CYB561A3: variants seen among roughly 807,000 people sequenced by gnomAD.
CYB561A3 encodes the protein cytochrome b561 family member A3.
CYB561A3 carries 16 observed loss-of-function variants against 25.3 expected under a neutral mutation model. The observed-to-expected ratio is 0.63, with a 90% CI of 0.43 to 0.96. The LOEUF (loss-of-function observed/expected upper bound fraction) is 0.96, where lower values mean the gene tolerates loss of function less well. Among genes scored for constraint, CYB561A3 ranks in the 40% least tolerant of loss-of-function variants. The pLI is 0.00. For synonymous variants in CYB561A3, 131 were observed against 129.9 expected, an observed-to-expected ratio of 1.01 and a Z score of -0.06; for missense variants, 219 against 307.5, an observed-to-expected ratio of 0.71 and a Z score of 2.15.
At chr11:61,357,549 C>T (rs1857693435) in intron 2 of CYB561A3, among the ~76,000 whole-genome samples, 184 bp downstream of exon 2, 1 of 152,184 alleles carries the variant, frequency 6.6e-6, no homozygotes, top group African/African-American at 2.4e-5. Flanking sequence ...GTGGGCAAAG[C>T]CACAGGACTG....
intron 2 of CYB561A3, 135 bp from the exon 3 acceptor site, chr11:61,356,863 G>T: frequency 6.8e-7 from 1 of 1,460,084 alleles, no homozygotes; most frequent in Admixed American, 2.6e-5. Flanking sequence ...ATCAGCCTGG[G>T]CACCACCCCC....
At chr11:61,353,531 T>C (rs114589636) in intron 4 of CYB561A3, 1 of 684,734 alleles carries the variant, frequency 1.5e-6, no homozygotes, top group South Asian at 1.5e-5. Context: ...GTCAGCATAG[T>C]GCGTGCCATG....
chr11:61,352,839 A>T, intron 5 of CYB561A3, 146 bp downstream of exon 5: 2 of 1,482,724 alleles, frequency 1.3e-6, no homozygotes, highest in Non-Finnish European at 1.8e-6. Context: ...CTAAAGAAAG[A>T]TCAATTCTGT....
rs1021321474 is a variant in CYB561A3, at chr11:61,357,084, C to T, written c.-15-356G>A. 6.9e-6 allele frequency: 10 copies of T among 1,440,128 alleles called. No individual in the cohort carries two copies. The Admixed American group carries it at 1.6e-4, about 23-fold the overall frequency. The allele number at this position is 1,440,128 out of a possible 1,614,324, so 89.2% of individuals were successfully genotyped here. On this transcript the variant is annotated intron_variant, in intron 2 of 6. Transcript: ENST00000294072. ...GTAAAGAATTACCACCCCATACCCC[C>T]CAGGAAAAAAGGGACAGGAATCAAA... is the stretch of plus-strand genomic sequence containing the variant.
intron 1 of CYB561A3, chr11:61,359,759 G>A: frequency 6.6e-6 from 1 of 152,422 alleles, no homozygotes. Context: ...AGTGATTCAT[G>A]CCTGTAATCC....
At chr11:61,357,078 T>A in intron 2 of CYB561A3, 1 of 1,411,692 alleles carries the variant, frequency 7.1e-7, no homozygotes, top group East Asian at 2.5e-5. Context: ...TACCACCCCA[T>A]ACCCCCCAGG....
At chr11:61,357,246 G>C in intron 2 of CYB561A3, 2 of 1,550,406 alleles carry the variant, frequency 1.3e-6, no homozygotes, top group Non-Finnish European at 8.7e-7. Flanking sequence ...CATAGAGTAA[G>C]CTCTATGGGG....
chr11:61,352,592 T>G (rs1590601530), intron 5 of CYB561A3: 1 of 211,352 alleles, frequency 4.7e-6, no homozygotes, highest in South Asian at 6.6e-5. Flanking sequence ...ACCCAGCAGG[T>G]GGAGGTTGCA....
intron 3 of CYB561A3, 36 bp downstream of exon 3, chr11:61,356,494 G>A: frequency 1.2e-6 from 2 of 1,604,738 alleles, no homozygotes; most frequent in Non-Finnish European, 1.7e-6. Flanking sequence ...TCCAGCCTGA[G>A]CCCTATCCCG....
At chr11:61,350,512 G>A (rs968950332) in intron 6 of CYB561A3, 90 bp from the exon 7 acceptor site, 1 of 1,527,680 alleles carries the variant, frequency 6.5e-7, no homozygotes, top group Non-Finnish European at 8.9e-7. Context: ...CCAGCCTGCA[G>A]GGTGGTCCCC....
At position 61,353,844 on chromosome 11, in the gene CYB561A3, G is replaced by A. The variant is rs1266902811; in HGVS notation, c.333C>T (p.Ala111=). 3.7e-6 allele frequency: 6 copies of A among 1,614,192 alleles called. No homozygotes were observed. The highest frequency in any genetic ancestry group is 1.3e-5 in the African/African-American group (1 of 75,040). Residue 111 remains alanine, a synonymous_variant, in exon 4 of 7, where the codon GCC becomes GCT. Transcript: ENST00000294072. ...VFTFHNHGRT[A]NLYSLHSWLG... ...GCCAGCTGTGAAGGGAGTAGAGGTTGGCAGTCCTTCCATGGTTGTGAAACG... is the reference window on the plus strand; with the variant it reads ...GCCAGCTGTGAAGGGAGTAGAGGTTAGCAGTCCTTCCATGGTTGTGAAACG...
intron 1 of CYB561A3, chr11:61,358,552 C>G (rs1164648629): frequency 1.3e-5 from 2 of 151,724 alleles, no homozygotes; most frequent in African/African-American, 4.8e-5. Context: ...AACCCCCGCC[C>G]CCATCTCTAC....
rs955536857 is a variant in CYB561A3, at chr11:61,349,823, A to G, written c.*576T>C. The G allele has an allele frequency of 4.3e-5, 26 of 600,916 alleles. No individual in the cohort carries two copies. The highest frequency in any genetic ancestry group is 7.0e-5 in the Non-Finnish European group (23 of 330,494). The allele number at this position is 600,916 out of a possible 1,614,324, so 37.2% of individuals were successfully genotyped here. The stretch of plus-strand genomic sequence containing the variant: ...ACATCCAGATGGGGCTGGATGGCAG[A>G]GCAGATGAAGCCTGCTCTGTGGCGG... On this transcript the variant is annotated 3_prime_UTR_variant, in exon 7 of 7. Transcript: ENST00000294072.
chr11:61,358,374 T>C (rs1857719417), intron 1 of CYB561A3: 1 of 142,944 alleles, frequency 7.0e-6, no homozygotes, highest in African/African-American at 2.7e-5. Flanking sequence ...GAGCCAAGAT[T>C]GTGCCATTGC....
intron 5 of CYB561A3, chr11:61,351,963 GGC>G (rs1284179635): frequency 2.0e-5 from 3 of 151,962 alleles, no homozygotes; most frequent in Admixed American, 6.6e-5. Flanking sequence ...ATGTTGCCCA[GGC>G]TGGACTCCTT....
Position 61,349,946 on chromosome 11 carries a change from T to C in CYB561A3, c.*453A>G. The C allele has an allele frequency of 2.1e-6, 1 of 484,152 alleles. No homozygotes were observed. Among genetic ancestry groups the C allele is most frequent in the Non-Finnish European group, 3.8e-6 (1 of 263,770 alleles). The allele number at this position is 484,152 out of a possible 1,614,324, so 30.0% of individuals were successfully genotyped here. On this transcript the variant is annotated 3_prime_UTR_variant, in exon 7 of 7. Coordinates refer to ENST00000294072, the MANE Select transcript of CYB561A3 (RefSeq NM_153611.6). The stretch of plus-strand genomic sequence containing the variant: ...GTGGACTGCACTTGAGTCCCAGCTC[T>C]TCACCACATCCCTAGGAGTCTTAAG...
rs1857289408 is a variant in CYB561A3 at position 61,349,362 on chromosome 11, T to C, written c.*1037A>G. On this transcript the variant is annotated 3_prime_UTR_variant, in exon 7 of 7. Transcript: ENST00000294072. ...TGCTGCACACTGGACACCACAACTT[T>C]GGCATCAGCTGCATGGTGAGCTGCA... The C allele has an allele frequency of 5.2e-6, 3 of 575,552 alleles. No individual in the cohort carries two copies. Among genetic ancestry groups the C allele is most frequent in the Non-Finnish European group, 6.3e-6 (2 of 317,692 alleles). The allele number at this position is 575,552 out of a possible 1,614,324, so 35.7% of individuals were successfully genotyped here. A position where few individuals can be genotyped will look rare whatever the true frequency, so the allele number is the denominator to read the frequency against.
intron 1 of CYB561A3, chr11:61,360,736 G>C (rs1404042578): frequency 6.6e-6 from 1 of 152,256 alleles, no homozygotes; most frequent in African/African-American, 2.4e-5. Flanking sequence ...CCAGCACTTT[G>C]GGAAGCCGAG....
chr11:61,355,800 A>G (rs906920918), intron 3 of CYB561A3, among the ~76,000 whole-genome samples: 1 of 151,922 alleles, frequency 6.6e-6, no homozygotes, highest in Non-Finnish European at 1.5e-5. Context: ...GTTAAAAACT[A>G]CAGCTCAGGT....
Sources: gnomAD v4.1 joint callset for allele counts (sites outside exome capture counted in the v4.1 genomes callset) on GRCh38, gnomAD v4.1.1 for gene constraint, MANE v1.5 for transcripts, NCBI Gene and HGNC (gene_info 2026-07-23, HGNC 2026-07-21) for gene names.